The following CALHM4 variants were observed in gnomAD, a reference collection of about 807,000 sequenced individuals.
The protein encoded by CALHM4 is calcium homeostasis modulator protein 4.
A neutral mutation model predicts 13.3 loss-of-function variants in CALHM4; 16 were observed. The observed-to-expected ratio is 1.20, with a 90% CI of 0.81 to 1.82. CALHM4 has a LOEUF of 1.82. Ranked by LOEUF, CALHM4 falls within the 40% of genes most tolerant of loss-of-function variation. CALHM4 has a pLI of 0.00. For synonymous variants in CALHM4, 127 were observed against 137.1 expected, an observed-to-expected ratio of 0.93 and a Z score of 0.52; for missense variants, 344 against 374.9, an observed-to-expected ratio of 0.92 and a Z score of 0.68.
intron 1 of CALHM4, among the ~76,000 whole-genome samples, chr6:116,532,347 C>T (rs1051369796): frequency 2.6e-5 from 4 of 152,282 alleles, no homozygotes; most frequent in East Asian, 1.9e-4. Context: ...GCTATCCTTC[C>T]GCGTCTTGCC....
intron 2 of CALHM4, among the ~76,000 whole-genome samples, chr6:116,548,141 C>T (rs887814111): frequency 1.3e-5 from 2 of 152,146 alleles, no homozygotes; most frequent in Admixed American, 6.5e-5. Flanking sequence ...GTCATGAAGG[C>T]TCTGCCCTTA....
At chr6:116,529,794 T>A (rs774503474) in intron 1 of CALHM4, among the ~76,000 whole-genome samples, 12 of 152,164 alleles carry the variant, frequency 7.9e-5, no homozygotes, top group East Asian at 7.7e-4. Flanking sequence ...AGGGCAGAGA[T>A]TGAATGAAAA....
At chr6:116,550,597 T>C (rs1166296769), upstream of CALHM4, among the ~76,000 whole-genome samples, 2 of 152,246 alleles carry the variant, frequency 1.3e-5, no homozygotes, top group Non-Finnish European at 2.9e-5. Flanking sequence ...TGATTATTGA[T>C]GTATTTAGTC....
chr6:116,542,403 TTTATG>T (rs1227011806), intron 1 of CALHM4, among the ~76,000 whole-genome samples: 2 of 152,264 alleles, frequency 1.3e-5, no homozygotes, highest in East Asian at 3.9e-4. Flanking sequence ...ACTTTCAATC[TTTATG>T]TTGTCTTTTT....
Position 116,554,020 on chromosome 6 carries a change from C to G in CALHM4, c.227C>G (p.Thr76Arg), listed in dbSNP as rs1169243010. 1.3e-6 allele frequency: 2 copies of G among 1,550,646 alleles called. No individual in the cohort carries two copies. Among genetic ancestry groups the G allele is most frequent in the Non-Finnish European group, 1.7e-6 (2 of 1,147,016 alleles). Residue 76 changes from threonine to arginine, a missense_variant, in exon 1 of 2, where the codon ACA (threonine) becomes AGA (arginine). Transcript: ENST00000368596. The stretch of plus-strand genomic sequence containing the variant: ...TTTGCTCTGAGAAGCCAAATGTGGA[C>G]AATTACCGGTGAATACTGCTGCAGC... ...AGFALRSQMWTITGEYCCSCA... is the reference protein window; with the variant it reads ...AGFALRSQMWRITGEYCCSCA...
Position 116,557,852 on chromosome 6 carries a change from G to A in CALHM4, c.586G>A (p.Ala196Thr). 8 of 1,613,658 alleles carry A rather than the reference G, an allele frequency of 5.0e-6. No homozygotes were observed. The highest frequency in any genetic ancestry group is 6.8e-6 in the Non-Finnish European group (8 of 1,179,800). The change falls in exon 2 of 2, where the codon GCA becomes ACA. Residue 196 changes from alanine (A) to threonine (T), a missense_variant. Coordinates refer to ENST00000368596, the MANE Select transcript of CALHM4 (RefSeq NM_001366078.2). Reference protein sequence around the residue: ...QMLGWILITLATIAALVSCCV... With the variant: ...QMLGWILITLTTIAALVSCCV... Reference sequence around the variant, plus strand: ...GCTGGGTTGGATTTTGATCACCTTGGCAACCATTGCTGCCTTAGTCTCCTG... The same window carrying A: ...GCTGGGTTGGATTTTGATCACCTTGACAACCATTGCTGCCTTAGTCTCCTG...
At chr6:116,557,098 C>T (rs182208576) in intron 1 of CALHM4, among the ~76,000 whole-genome samples, 48 of 151,936 alleles carry the variant, frequency 3.2e-4, no homozygotes, top group South Asian at 1.5e-3. Context: ...CCACCATGCC[C>T]GACTAATTTT....
At chr6:116,542,268 G>A (rs930957654) in intron 1 of CALHM4, among the ~76,000 whole-genome samples, 6 of 151,844 alleles carry the variant, frequency 4.0e-5, no homozygotes, top group Admixed American at 3.3e-4. Context: ...TCTTCTTTGC[G>A]AATGCCCTTG....
At chr6:116,539,454 T>G (rs1375566052) in intron 1 of CALHM4, among the ~76,000 whole-genome samples, 2 of 152,194 alleles carry the variant, frequency 1.3e-5, no homozygotes, top group Non-Finnish European at 2.9e-5. Context: ...TGTAGAATTT[T>G]TCCCCACATA....
At chr6:116,543,945 C>G in intron 2 of CALHM4, 2 of 1,193,116 alleles carry the variant, frequency 1.7e-6, no homozygotes, top group Non-Finnish European at 2.3e-6. Flanking sequence ...CAAAATATGT[C>G]CCATTTTTAG....
intron 2 of CALHM4, among the ~76,000 whole-genome samples, chr6:116,548,102 A>T (rs952007075): frequency 6.6e-6 from 1 of 152,196 alleles, no homozygotes; most frequent in Non-Finnish European, 1.5e-5. Flanking sequence ...GGTAGTTTTA[A>T]GAGTTGGGGC....
intron 1 of CALHM4, among the ~76,000 whole-genome samples, chr6:116,537,198 G>T (rs1236861390): frequency 6.6e-6 from 1 of 152,222 alleles, no homozygotes; most frequent in African/African-American, 2.4e-5. Flanking sequence ...AAAGAATCTT[G>T]CATAGGAGTG....
intron 2 of CALHM4, chr6:116,545,587 A>G (rs1216546448): frequency 2.2e-6 from 3 of 1,382,948 alleles, no homozygotes; most frequent in Non-Finnish European, 3.0e-6. Context: ...GTATCAGTCC[A>G]TGTCTTTTTG....
chr6:116,552,462 C>G (rs968718562), upstream of CALHM4, among the ~76,000 whole-genome samples: 1 of 152,032 alleles, frequency 6.6e-6, no homozygotes, highest in Non-Finnish European at 1.5e-5. Flanking sequence ...CTATTCCTTC[C>G]TTTTTTCTTC....
chr6:116,537,314 A>G (rs1773160847), intron 1 of CALHM4, among the ~76,000 whole-genome samples: 1 of 152,208 alleles, frequency 6.6e-6, no homozygotes, highest in Admixed American at 6.5e-5. Flanking sequence ...TTTGGAAAGC[A>G]GATGTTGTAC....
At chr6:116,540,451 A>G in intron 1 of CALHM4, 1 of 1,551,328 alleles carries the variant, frequency 6.4e-7, no homozygotes, top group Non-Finnish European at 8.7e-7. Context: ...CCGCGTTCCA[A>G]TGCCGTAACC....
At chr6:116,554,764 T>C (rs982592587) in intron 1 of CALHM4, among the ~76,000 whole-genome samples, 14 of 152,204 alleles carry the variant, frequency 9.2e-5, no homozygotes, top group Non-Finnish European at 2.1e-4. Context: ...ATATATATAT[T>C]CTTAAATATG....
At chr6:116,536,701 G>A (rs1236134573) in intron 1 of CALHM4, among the ~76,000 whole-genome samples, 3 of 152,128 alleles carry the variant, frequency 2.0e-5, no homozygotes, top group Non-Finnish European at 4.4e-5. Flanking sequence ...TACTTGAGAC[G>A]GATGATGATG....
chr6:116,553,941 T>C lies in CALHM4; in HGVS notation c.148T>C (p.Tyr50His). The C allele has an allele frequency of 6.4e-7, 1 of 1,550,668 alleles. No individual in the cohort carries two copies. The highest frequency in any genetic ancestry group is 2.4e-5 in the East Asian group (1 of 40,934). ...SCPCQVGKNF[Y>H]YGSAFLVIPA... ...TCCTTGTCAGGTTGGAAAAAATTTC[T>C]ATTATGGTTCTGCTTTTCTTGTCAT... The change falls in exon 1 of 2, where the codon TAT becomes CAT. Residue 50 changes from tyrosine (Y) to histidine (H), a missense_variant. Transcript: ENST00000368596.
Sources: allele counts gnomAD v4.1 joint callset (sites outside exome capture counted in the v4.1 genomes callset), GRCh38; gene constraint gnomAD v4.1.1; transcripts MANE v1.5; gene names NCBI Gene and HGNC (gene_info 2026-07-23, HGNC 2026-07-21).